Variants in STK39 observed in about 807,000 individuals in gnomAD.
The protein encoded by STK39 is STE20/SPS1-related proline-alanine-rich protein kinase.
Under a neutral mutation model 77.8 loss-of-function variants are expected in STK39, and 20 were observed. That is an observed-to-expected ratio of 0.26 (90% CI 0.18 to 0.37). The LOEUF (loss-of-function observed/expected upper bound fraction) is 0.37, where lower values mean the gene tolerates loss of function less well. Ranked by LOEUF, STK39 falls within the 10% of genes least tolerant of loss-of-function variation. STK39 has a pLI of 1.00. For missense variants in STK39, 479 were observed against 656.5 expected (o/e 0.73, Z 2.95); for synonymous variants, 246 against 234.1 (o/e 1.05, Z -0.47).
chr2:168,168,043 A>G (rs557396588), intron 2 of STK39, among the ~76,000 whole-genome samples: 1 of 152,316 alleles, frequency 6.6e-6, no homozygotes, highest in Admixed American at 6.5e-5. Flanking sequence ...ATCTCATTCT[A>G]AAAGAATCAC....
rs1347201493 is a variant in STK39 at position 167,964,645 on chromosome 2, C to T, written c.1563+17G>A. 5 of 1,603,280 alleles carry T rather than the reference C, an allele frequency of 3.1e-6. No individual in the cohort carries two copies. Among genetic ancestry groups the T allele is most frequent in the Non-Finnish European group, 4.3e-6 (5 of 1,172,182 alleles). On this transcript the variant is annotated intron_variant, in intron 17 of 17. Coordinates refer to ENST00000355999, the MANE Select transcript of STK39 (RefSeq NM_013233.3). ...TGGCAAAATATTACCTCCTTCTTTCCATAACTTTCCACTTACCAACTTAAA... is the reference window on the plus strand; with the variant it reads ...TGGCAAAATATTACCTCCTTCTTTCTATAACTTTCCACTTACCAACTTAAA...
At chr2:168,165,827 A>C (rs1390228819) in intron 3 of STK39, among the ~76,000 whole-genome samples, 1 of 152,132 alleles carries the variant, frequency 6.6e-6, no homozygotes, top group Non-Finnish European at 1.5e-5. Context: ...CGACATCTGC[A>C]GATTAAAATA....
At chr2:167,977,817 G>A (rs1683319669) in intron 16 of STK39, among the ~76,000 whole-genome samples, 1 of 150,744 alleles carries the variant, frequency 6.6e-6, no homozygotes, top group South Asian at 2.1e-4. Flanking sequence ...TCAAGACCAG[G>A]GGAATTGCAA....
intron 15 of STK39, among the ~76,000 whole-genome samples, chr2:168,013,693 A>G (rs1684328510): frequency 6.6e-6 from 1 of 152,208 alleles, no homozygotes. Flanking sequence ...ATGAGCATCT[A>G]AACGAAATTG....
chr2:168,160,557 T>C (rs1338498860), intron 5 of STK39, among the ~76,000 whole-genome samples: 2 of 152,224 alleles, frequency 1.3e-5, no homozygotes, highest in Admixed American at 1.3e-4. Flanking sequence ...ACTGTTAAGA[T>C]CACTGGACCT....
chr2:168,133,811 T>C (rs1455700323), intron 8 of STK39, among the ~76,000 whole-genome samples: 3 of 151,124 alleles, frequency 2.0e-5, no homozygotes, highest in Non-Finnish European at 2.9e-5. Flanking sequence ...TGAGCCGAGA[T>C]CATGCCATTC....
chr2:167,967,603 C>A (rs1235334773), intron 16 of STK39, among the ~76,000 whole-genome samples: 1 of 152,044 alleles, frequency 6.6e-6, no homozygotes, highest in Non-Finnish European at 1.5e-5. Context: ...GTAACAGCCA[C>A]ACGGAAAAGA....
chr2:168,027,781 T>C (rs1446414854), intron 14 of STK39, among the ~76,000 whole-genome samples: 1 of 152,202 alleles, frequency 6.6e-6, no homozygotes. Context: ...GCTGGCTACC[T>C]GACAGCCTGA....
At chr2:168,122,475 T>C (rs1437532915) in intron 10 of STK39, among the ~76,000 whole-genome samples, 5 of 152,194 alleles carry the variant, frequency 3.3e-5, no homozygotes, top group Admixed American at 6.5e-5. Flanking sequence ...GGTCTTGCTC[T>C]GTTACCCAGG....
intron 17 of STK39, among the ~76,000 whole-genome samples, chr2:167,956,667 G>GACACACACAAACACACACACACACAC (rs1691775111): frequency 2.1e-5 from 1 of 47,922 alleles, no homozygotes; most frequent in Admixed American, 2.3e-4. Flanking sequence ...CTTGCTTTTA[G>GACACACACAAACACACACACACACAC]ACACACACAC....
chr2:168,228,607 A>C (rs1690367223), intron 1 of STK39, among the ~76,000 whole-genome samples: 1 of 152,174 alleles, frequency 6.6e-6, no homozygotes. Context: ...CCTGACCAAC[A>C]TGGTGAAACC....
At chr2:168,037,838 T>G (rs115295139) in intron 14 of STK39, among the ~76,000 whole-genome samples, 5,466 of 152,250 alleles carry the variant, frequency 0.036, 344 homozygotes, top group African/African-American at 0.12. Flanking sequence ...CTTTCTGCAT[T>G]TTCAAATTTC....
chr2:168,160,751 A>G (rs940087344), intron 5 of STK39, among the ~76,000 whole-genome samples: 1 of 152,142 alleles, frequency 6.6e-6, no homozygotes. Flanking sequence ...GGGGCTGGAC[A>G]GTTTGAAATC....
At chr2:168,244,498 C>T (rs894383188) in intron 1 of STK39, among the ~76,000 whole-genome samples, 2 of 152,140 alleles carry the variant, frequency 1.3e-5, no homozygotes, top group Non-Finnish European at 2.9e-5. Context: ...TGACACCTGC[C>T]GTATGGCGGG....
At chr2:168,041,470 T>TA (rs11334435) in intron 14 of STK39, among the ~76,000 whole-genome samples, 10,610 of 149,842 alleles carry the variant, frequency 0.071, 612 homozygotes, top group East Asian at 0.2. Flanking sequence ...ATTGGCTCTT[T>TA]AAAAAAAAAA....
chr2:168,211,981 G>T (rs999798046), intron 1 of STK39, among the ~76,000 whole-genome samples: 1 of 152,120 alleles, frequency 6.6e-6, no homozygotes, highest in African/African-American at 2.4e-5. Context: ...ATGACTTACT[G>T]ATCATTATTC....
chr2:168,051,123 T>C (rs750714286), intron 14 of STK39, among the ~76,000 whole-genome samples: 1 of 152,200 alleles, frequency 6.6e-6, no homozygotes, highest in South Asian at 2.1e-4. Context: ...GAAATAACTC[T>C]GCAAACAGTC....
intron 1 of STK39, among the ~76,000 whole-genome samples, chr2:168,214,929 A>G (rs750422175): frequency 2.6e-5 from 4 of 152,034 alleles, no homozygotes; most frequent in Non-Finnish European, 5.9e-5. Flanking sequence ...TCATTTTGTC[A>G]TTTGCTGTTT....
intron 10 of STK39, among the ~76,000 whole-genome samples, chr2:168,089,770 C>T (rs981514562): frequency 2.6e-5 from 4 of 152,212 alleles, no homozygotes; most frequent in African/African-American, 9.6e-5. Flanking sequence ...CCCGCCACCA[C>T]GCCCAGCTAA....
Sources: allele counts gnomAD v4.1 joint callset (sites outside exome capture counted in the v4.1 genomes callset), GRCh38; gene constraint gnomAD v4.1.1; transcripts MANE v1.5; gene names NCBI Gene and HGNC (gene_info 2026-07-23, HGNC 2026-07-21).